The following GSE1 variants were observed in gnomAD, a reference collection of about 807,000 sequenced individuals.
GSE1 encodes genetic suppressor element 1.
Under a neutral mutation model 112.6 loss-of-function variants are expected in GSE1, and 32 were observed. That is an observed-to-expected ratio of 0.28 (90% CI 0.21 to 0.38). The LOEUF is 0.38. Ranked by LOEUF, GSE1 falls within the 10% of genes least tolerant of loss-of-function variation. GSE1 has a pLI of 1.00. For missense variants in GSE1, 2,348 were observed against 1,699.2 expected, an observed-to-expected ratio of 1.38 and a Z score of -6.71; for synonymous variants, 1,115 against 735.6, an observed-to-expected ratio of 1.52 and a Z score of -8.35.
At chr16:85,536,810 GC>G (rs2044344646) in intron 2 of GSE1, among the ~76,000 whole-genome samples, 1 of 152,226 alleles carries the variant, frequency 6.6e-6, no homozygotes, top group Non-Finnish European at 1.5e-5. Flanking sequence ...GGCTGATTTT[GC>G]CACTGCTACA....
intron 2 of GSE1, among the ~76,000 whole-genome samples, chr16:85,425,945 G>T (rs1167985531): frequency 6.6e-6 from 1 of 152,158 alleles, no homozygotes; most frequent in Non-Finnish European, 1.5e-5. Context: ...GCTTGTCAGT[G>T]GCGAGGCCGG....
In GSE1 at chr16:85,661,533, T is replaced by C. The variant is rs778214743; in HGVS notation, c.2028T>C (p.Ala676=). The change falls in exon 9 of 16, where the codon GCT becomes GCC. Residue 676 remains alanine (A), a synonymous_variant. Transcript: ENST00000253458. ...PFLPGPGPFL[A]ELEKSTQTIL... Reference sequence around the variant, plus strand: ...TGCCCGGGCCCGGGCCCTTCCTGGCTGAGCTCGAGAAGTCCACCCAGACCA... The same window carrying C: ...TGCCCGGGCCCGGGCCCTTCCTGGCCGAGCTCGAGAAGTCCACCCAGACCA... 1.2e-4 allele frequency: 201 copies of C among 1,611,814 alleles called. No individual in the cohort carries two copies. Among genetic ancestry groups the C allele is most frequent in the Non-Finnish European group, 1.6e-4 (194 of 1,179,680 alleles).
intron 12 of GSE1, among the ~76,000 whole-genome samples, 189 bp from the exon 13 acceptor site, chr16:85,665,787 G>A (rs924475203): frequency 6.6e-6 from 1 of 152,170 alleles, no homozygotes; most frequent in Non-Finnish European, 1.5e-5. Flanking sequence ...GGATGGACTT[G>A]CCACTAAACA....
intron 2 of GSE1, among the ~76,000 whole-genome samples, chr16:85,448,760 C>G (rs948457381): frequency 6.6e-6 from 1 of 152,240 alleles, no homozygotes; most frequent in South Asian, 2.1e-4. Context: ...CAACCCGGGG[C>G]AGGAAACCAC....
intron 1 of GSE1, among the ~76,000 whole-genome samples, chr16:85,186,003 G>C (rs1235886910): frequency 6.6e-6 from 1 of 152,224 alleles, no homozygotes; most frequent in Non-Finnish European, 1.5e-5. Context: ...TGTGCCAGAT[G>C]AGAGTAGATG....
intron 1 of GSE1, among the ~76,000 whole-genome samples, chr16:85,331,393 G>GTA (rs1266307216): frequency 5.5e-5 from 5 of 91,530 alleles, no homozygotes; most frequent in South Asian, 3.9e-4. Context: ...GTATATATAT[G>GTA]TGTATATATG....
intron 2 of GSE1, chr16:85,463,062 C>T (rs950627248): frequency 2.0e-6 from 2 of 980,982 alleles, no homozygotes; most frequent in African/African-American, 1.8e-5. Context: ...CCGGGTCCCG[C>T]GGCCCGGGGG....
At chr16:85,404,641 C>A (rs2048226915) in intron 2 of GSE1, among the ~76,000 whole-genome samples, 1 of 57,728 alleles carries the variant, frequency 1.7e-5, no homozygotes, top group African/African-American at 1.1e-4. Context: ...CCTGGATAAT[C>A]CTCGCTGTTA....
chr16:85,400,937 C>A (rs1448447076), intron 2 of GSE1, among the ~76,000 whole-genome samples: 2 of 151,972 alleles, frequency 1.3e-5, no homozygotes, highest in African/African-American at 2.4e-5. Context: ...ATAATGGAGA[C>A]CTAGCTTTGA....
At chr16:85,286,950 G>A (rs1166502537) in intron 1 of GSE1, among the ~76,000 whole-genome samples, 4 of 152,212 alleles carry the variant, frequency 2.6e-5, no homozygotes, top group Admixed American at 2.6e-4. Flanking sequence ...TTTGCAAAAT[G>A]TGCTTCCACC....
At chr16:85,435,994 G>A (rs1460268641) in intron 2 of GSE1, among the ~76,000 whole-genome samples, 1 of 152,168 alleles carries the variant, frequency 6.6e-6, no homozygotes, top group Non-Finnish European at 1.5e-5. Context: ...TCTCACCAGT[G>A]TGGTTGGCGT....
At chr16:85,343,546 C>T (rs1045162575) in intron 1 of GSE1, among the ~76,000 whole-genome samples, 2 of 152,038 alleles carry the variant, frequency 1.3e-5, no homozygotes, top group Admixed American at 6.6e-5. Flanking sequence ...GCCAACAGTT[C>T]GAGATGAGCT....
rs141697150 is a variant in GSE1 at position 85,348,596 on chromosome 16, T to C, written c.2284-8867T>C. ...AACCCAGACATCCGGGGCAAGGTGC[T>C]CTGTGCCTGCTGGAAGAGGATCCAG... On this transcript the variant is annotated intron_variant, in intron 1 of 2. Transcript: ENST00000637419. 3.1e-4 allele frequency among the ~76,000 whole-genome samples: 47 copies of C among 152,292 alleles called. 1 individual carries two copies. Among genetic ancestry groups the C allele is most frequent in the Middle Eastern group, 6.8e-3 (2 of 294 alleles).
intron 15 of GSE1, 147 bp downstream of exon 15, chr16:85,671,245 C>A (rs985146993): frequency 1.9e-6 from 1 of 520,994 alleles, no homozygotes; most frequent in African/African-American, 2.0e-5. Flanking sequence ...TCGAGACCAT[C>A]CCGGCTAAAA....
chr16:85,227,163 A>G (rs2075503723), intron 1 of GSE1, among the ~76,000 whole-genome samples: 1 of 152,116 alleles, frequency 6.6e-6, no homozygotes, highest in Non-Finnish European at 1.5e-5. Flanking sequence ...CCGTCTATCC[A>G]TCCAATAGGC....
chr16:85,535,827 C>T (rs1196716011), intron 2 of GSE1, among the ~76,000 whole-genome samples: 1 of 152,236 alleles, frequency 6.6e-6, no homozygotes, highest in Non-Finnish European at 1.5e-5. Context: ...GCCAGCGGAC[C>T]TTCTTTCTTA....
chr16:85,260,594 A>AT (rs1907585296), intron 1 of GSE1, among the ~76,000 whole-genome samples: 1 of 152,106 alleles, frequency 6.6e-6, no homozygotes, highest in African/African-American at 2.4e-5. Flanking sequence ...AAGTGCTGGG[A>AT]TTATAGGCAT....
rs1167166291 is a variant in GSE1 at position 85,328,613 on chromosome 16, A to G, written c.2284-28850A>G. On this transcript the variant is annotated intron_variant, in intron 1 of 2. Coordinates refer to the GSE1 transcript ENST00000637419. ...TTATTTAAAAGAAAAAAGCCACAAC[A>G]TGTTCCAGAATATTCCTCCTCAGAA... Among the ~76,000 whole-genome samples the G allele has an allele frequency of 7.8e-4, 118 of 152,256 alleles. 2 individuals carry two copies. Among genetic ancestry groups the G allele is most frequent in the Non-Finnish European group, 7.4e-5 (5 of 68,004 alleles).
intron 1 of GSE1, among the ~76,000 whole-genome samples, chr16:85,244,706 T>G (rs1905447406): frequency 1.3e-5 from 2 of 151,100 alleles, no homozygotes; most frequent in Non-Finnish European, 2.9e-5. Context: ...CAAAATTATC[T>G]GGGGCTGGGT....
Sources: allele counts gnomAD v4.1 joint callset (sites outside exome capture counted in the v4.1 genomes callset), GRCh38; gene constraint gnomAD v4.1.1; transcripts MANE v1.5; gene names NCBI Gene and HGNC (gene_info 2026-07-23, HGNC 2026-07-21).